Variants in CCSER1 observed in about 807,000 individuals in gnomAD.
CCSER1 encodes coiled-coil serine rich protein 1.
Under a neutral mutation model 82.0 loss-of-function variants are expected in CCSER1, and 41 were observed. The observed-to-expected ratio is 0.50, with a 90% CI of 0.39 to 0.65. The LOEUF is 0.65. Among genes scored for constraint, CCSER1 ranks in the 30% least tolerant of loss-of-function variants. The probability of loss-of-function intolerance (pLI) is 0.00; values close to 1 mark genes in which losing one functional copy is unlikely to be tolerated. For missense variants in CCSER1, 1,119 were observed against 1,064.2 expected, an observed-to-expected ratio of 1.05 and a Z score of -0.72; for synonymous variants, 414 against 383.9, an observed-to-expected ratio of 1.08 and a Z score of -0.92.
At chr4:91,147,586 G>A (rs546709243) in intron 10 of CCSER1, among the ~76,000 whole-genome samples, 2 of 152,360 alleles carry the variant, frequency 1.3e-5, no homozygotes, top group Admixed American at 1.3e-4. Flanking sequence ...CTCTTAGGCA[G>A]TGTGCTTGAA....
intron 10 of CCSER1, among the ~76,000 whole-genome samples, chr4:91,498,055 G>T (rs868679434): frequency 6.6e-6 from 1 of 151,934 alleles, no homozygotes; most frequent in South Asian, 2.1e-4. Context: ...GCACAGCTTC[G>T]CTGTGCATCC....
intron 1 of CCSER1, among the ~76,000 whole-genome samples, chr4:90,224,850 T>C (rs115553914): frequency 0.023 from 3,544 of 152,234 alleles, 54 homozygotes; most frequent in South Asian, 0.054. Context: ...TTCTTATTAG[T>C]ATATTTCTTA....
intron 1 of CCSER1, among the ~76,000 whole-genome samples, chr4:90,134,854 G>T (rs1723390636): frequency 6.6e-6 from 1 of 152,146 alleles, no homozygotes; most frequent in African/African-American, 2.4e-5. Flanking sequence ...TTTAAAGGCT[G>T]ATTTCATAGA....
intron 8 of CCSER1, among the ~76,000 whole-genome samples, chr4:90,896,795 A>G (rs1248635571): frequency 6.6e-6 from 1 of 151,998 alleles, no homozygotes; most frequent in South Asian, 2.1e-4. Context: ...TTCTTAAAAT[A>G]CTATTTGATT....
chr4:91,167,205 G>A (rs373305349), intron 10 of CCSER1, among the ~76,000 whole-genome samples: 2 of 23,072 alleles, frequency 8.7e-5, no homozygotes. Context: ...TTTTTTTTTT[G>A]AGACGGCTTC....
chr4:90,168,951 T>A (rs150322739), intron 1 of CCSER1, among the ~76,000 whole-genome samples: 1 of 151,138 alleles, frequency 6.6e-6, no homozygotes, highest in South Asian at 2.1e-4. Context: ...ATTGACGTGG[T>A]GATGCGGGCT....
chr4:90,923,329 C>T, intron 8 of CCSER1, 41 bp from the exon 9 acceptor site: 1 of 1,341,644 alleles, frequency 7.5e-7, no homozygotes, highest in African/African-American at 1.4e-5. Flanking sequence ...GAAGTACACA[C>T]CTCACCAACA....
intron 10 of CCSER1, among the ~76,000 whole-genome samples, chr4:91,516,127 G>C (rs1760107652): frequency 1.3e-5 from 2 of 152,024 alleles, no homozygotes; most frequent in Admixed American, 1.3e-4. Flanking sequence ...TAGAAGCATA[G>C]TTTGTAAATA....
chr4:91,204,704 G>C (rs73836875), intron 10 of CCSER1, among the ~76,000 whole-genome samples: 3,969 of 151,728 alleles, frequency 0.026, 179 homozygotes, highest in African/African-American at 0.091. Flanking sequence ...GCTGTTTGTA[G>C]AATTTACTTT....
intron 10 of CCSER1, among the ~76,000 whole-genome samples, chr4:91,223,037 A>C (rs1172330899): frequency 1.4e-5 from 2 of 139,950 alleles, no homozygotes; most frequent in African/African-American, 5.1e-5. Context: ...TCACTAACTG[A>C]ATCTTTAAAA....
At chr4:90,623,849 C>T (rs1315012581) in intron 5 of CCSER1, among the ~76,000 whole-genome samples, 2 of 152,112 alleles carry the variant, frequency 1.3e-5, no homozygotes, top group Non-Finnish European at 2.9e-5. Context: ...GGTCCTTAAA[C>T]AGATAGTTTC....
At chr4:90,150,959 ATTG>A (rs1726724881) in intron 1 of CCSER1, among the ~76,000 whole-genome samples, 1 of 152,058 alleles carries the variant, frequency 6.6e-6, no homozygotes, top group Admixed American at 6.6e-5. Flanking sequence ...TTTTGAATAG[ATTG>A]TTATTTTTTT....
At chr4:90,148,277 T>C (rs1162864983) in intron 1 of CCSER1, among the ~76,000 whole-genome samples, 3 of 152,198 alleles carry the variant, frequency 2.0e-5, no homozygotes, top group Non-Finnish European at 4.4e-5. Context: ...AATAAACACA[T>C]GTGCATAAGA....
At chr4:91,244,936 T>G (rs921692966) in intron 10 of CCSER1, among the ~76,000 whole-genome samples, 1 of 151,814 alleles carries the variant, frequency 6.6e-6, no homozygotes, top group Non-Finnish European at 1.5e-5. Flanking sequence ...AACAAGGAGA[T>G]TGAAATAATT....
intron 10 of CCSER1, among the ~76,000 whole-genome samples, chr4:91,486,820 T>A (rs1343035385): frequency 6.6e-6 from 1 of 152,080 alleles, no homozygotes; most frequent in South Asian, 2.1e-4. Context: ...TGCCCTGGGA[T>A]CCCAAGGTAT....
intron 1 of CCSER1, among the ~76,000 whole-genome samples, chr4:90,202,636 C>G (rs752628422): frequency 2.0e-5 from 3 of 152,160 alleles, no homozygotes; most frequent in Non-Finnish European, 4.4e-5. Context: ...GAGCACTGCT[C>G]TAATGCATTT....
At chr4:91,018,498 A>G (rs1295936575) in intron 9 of CCSER1, among the ~76,000 whole-genome samples, 2 of 152,146 alleles carry the variant, frequency 1.3e-5, no homozygotes, top group South Asian at 2.1e-4. Flanking sequence ...CATCTTAGCT[A>G]AAATTTATAT....
chr4:90,393,996 T>G (rs1751601876), intron 3 of CCSER1, among the ~76,000 whole-genome samples: 1 of 151,560 alleles, frequency 6.6e-6, no homozygotes. Flanking sequence ...CCCAGGATGG[T>G]CTTAAATTCC....
rs528391747 is a variant in CCSER1, at chr4:90,628,058, T to C, written c.1758T>C (p.Asp586=). 5.6e-6 allele frequency: 9 copies of C among 1,613,570 alleles called. No homozygotes were observed. The South Asian group carries it at 8.8e-5, about 16-fold the overall frequency. ...NLSLKLTKDV[D]QEARCSHISR... Reference sequence around the variant, plus strand: ...CCCTGAAATTAACAAAGGACGTTGATCAAGAAGCCAGGTGTTCCCACATCA... The same window carrying C: ...CCCTGAAATTAACAAAGGACGTTGACCAAGAAGCCAGGTGTTCCCACATCA... Residue 586 remains aspartate, a synonymous_variant, in exon 6 of 11, where the codon GAT becomes GAC. Transcript: ENST00000509176.
Sources: allele counts gnomAD v4.1 joint callset (sites outside exome capture counted in the v4.1 genomes callset), GRCh38; gene constraint gnomAD v4.1.1; transcripts MANE v1.5; gene names NCBI Gene and HGNC (gene_info 2026-07-23, HGNC 2026-07-21).